The following CDH13 variants were observed in gnomAD, a reference collection of about 807,000 sequenced individuals.
CDH13 encodes cadherin-13.
Under a neutral mutation model 63.8 loss-of-function variants are expected in CDH13, and 24 were observed. That is an observed-to-expected ratio of 0.38 (90% CI 0.27 to 0.53). The LOEUF (loss-of-function observed/expected upper bound fraction) is 0.53. Among genes scored for constraint, CDH13 ranks in the 20% least tolerant of loss-of-function variants. The pLI is 0.85. For missense variants in CDH13, 1,049 were observed against 903.1 expected, an observed-to-expected ratio of 1.16 and a Z score of -2.07; for synonymous variants, 503 against 355.3, an observed-to-expected ratio of 1.42 and a Z score of -4.67.
At chr16:83,685,785 T>A (rs1904303335) in intron 10 of CDH13, among the ~76,000 whole-genome samples, 1 of 152,206 alleles carries the variant, frequency 6.6e-6, no homozygotes, top group Non-Finnish European at 1.5e-5. Flanking sequence ...CGGCTGACTT[T>A]CAGCAGATGG....
intron 1 of CDH13, among the ~76,000 whole-genome samples, chr16:82,733,254 C>T (rs982433164): frequency 3.9e-5 from 6 of 152,094 alleles, no homozygotes; most frequent in Admixed American, 1.3e-4. Flanking sequence ...ATTGCATTGT[C>T]GATTGTGTGG....
chr16:83,545,059 T>C (rs968822768), intron 7 of CDH13, among the ~76,000 whole-genome samples: 1 of 152,234 alleles, frequency 6.6e-6, no homozygotes, highest in African/African-American at 2.4e-5. Flanking sequence ...ATTCTGTTCA[T>C]CTCCTTCAGG....
intron 2 of CDH13, among the ~76,000 whole-genome samples, chr16:82,865,963 C>T (rs2040121549): frequency 6.6e-6 from 1 of 152,158 alleles, no homozygotes; most frequent in African/African-American, 2.4e-5. Flanking sequence ...GAACACTTTG[C>T]TGCTTAGAAA....
intron 5 of CDH13, among the ~76,000 whole-genome samples, chr16:83,332,821 C>T (rs904583489): frequency 6.6e-6 from 1 of 152,110 alleles, no homozygotes; most frequent in Admixed American, 6.5e-5. Context: ...AAAGTTACTT[C>T]AAAAGTTAAA....
chr16:83,777,976 G>C (rs1046403628), intron 11 of CDH13, among the ~76,000 whole-genome samples: 7 of 152,194 alleles, frequency 4.6e-5, no homozygotes, highest in Non-Finnish European at 8.8e-5. Context: ...AAGAGGCCAA[G>C]AAACGATTGT....
intron 3 of CDH13, among the ~76,000 whole-genome samples, chr16:83,102,105 G>T (rs767686586): frequency 6.6e-6 from 1 of 152,182 alleles, no homozygotes; most frequent in Non-Finnish European, 1.5e-5. Context: ...TGGCTTTGAA[G>T]ATGAAGGAAG....
chr16:82,759,174 C>T (rs578002639), intron 1 of CDH13, among the ~76,000 whole-genome samples: 1 of 152,302 alleles, frequency 6.6e-6, no homozygotes, highest in African/African-American at 2.4e-5. Flanking sequence ...TCAGGTTCCA[C>T]ACAGCTCCTT....
chr16:82,957,528 G>A (rs779334887), intron 2 of CDH13, among the ~76,000 whole-genome samples: 7 of 152,054 alleles, frequency 4.6e-5, no homozygotes, highest in African/African-American at 1.7e-4. Flanking sequence ...GAGAAGTCAG[G>A]TGCCTCCCAA....
intron 5 of CDH13, among the ~76,000 whole-genome samples, chr16:83,269,263 C>G (rs945142695): frequency 1.4e-4 from 21 of 152,248 alleles, no homozygotes; most frequent in Admixed American, 8.5e-4. Flanking sequence ...AGGCCCCTCC[C>G]CAGAACTCCT....
intron 1 of CDH13, among the ~76,000 whole-genome samples, chr16:82,706,403 G>T (rs1461737885): frequency 6.6e-6 from 1 of 152,194 alleles, no homozygotes; most frequent in Non-Finnish European, 1.5e-5. Context: ...AAGGATAAGG[G>T]ATGAGACAGA....
At chr16:82,717,199 C>T (rs1184678056) in intron 1 of CDH13, among the ~76,000 whole-genome samples, 2 of 152,014 alleles carry the variant, frequency 1.3e-5, no homozygotes, top group Admixed American at 6.6e-5. Flanking sequence ...GGCTCCTGAA[C>T]CTGGGCCCAG....
intron 1 of CDH13, among the ~76,000 whole-genome samples, chr16:82,754,552 T>G (rs1191676611): frequency 6.6e-6 from 1 of 152,168 alleles, no homozygotes; most frequent in Non-Finnish European, 1.5e-5. Context: ...ATTTTGCTTT[T>G]CCTATTGCTA....
At chr16:83,646,387 G>C (rs1042729587) in intron 8 of CDH13, among the ~76,000 whole-genome samples, 2 of 152,104 alleles carry the variant, frequency 1.3e-5, no homozygotes, top group Non-Finnish European at 2.9e-5. Context: ...CCGTTCTGCA[G>C]GGCTCAACTT....
Position 83,484,686 on chromosome 16 carries a change from C to G in CDH13, c.782-1791C>G, listed in dbSNP as rs75283463. ...CTCTCTTCTTCTCCAGATTTAACCA[C>G]CATTACCAGGGAGAAGTTCTCCTTA... On this transcript the variant is annotated intron_variant, in intron 6 of 13. Coordinates refer to ENST00000567109, the MANE Select transcript of CDH13 (RefSeq NM_001257.5). Among the ~76,000 whole-genome samples, 480 of 152,332 alleles carry G rather than the reference C, an allele frequency of 3.2e-3. 1 individual carries two copies. Among genetic ancestry groups the G allele is most frequent in the African/African-American group, 0.011 (465 of 41,564 alleles).
At chr16:83,617,704 A>G (rs1909412595) in intron 8 of CDH13, among the ~76,000 whole-genome samples, 1 of 151,592 alleles carries the variant, frequency 6.6e-6, no homozygotes, top group Non-Finnish European at 1.5e-5. Context: ...TCTTAATATC[A>G]CATATTCTAT....
At chr16:82,710,550 AAAATATAT>A (rs1213555267) in intron 1 of CDH13, among the ~76,000 whole-genome samples, 14 of 86,158 alleles carry the variant, frequency 1.6e-4, no homozygotes, top group South Asian at 6.3e-4. Context: ...AAAAAAAAAA[AAAATATAT>A]ATATATATAT....
chr16:83,043,523 G>T (rs980394017), intron 3 of CDH13, among the ~76,000 whole-genome samples: 22 of 144,626 alleles, frequency 1.5e-4, no homozygotes, highest in African/African-American at 5.7e-4. Flanking sequence ...GTGTGTGTGT[G>T]TGTGTATGTA....
chr16:82,771,570 C>T (rs913869990), intron 1 of CDH13, among the ~76,000 whole-genome samples: 10 of 152,282 alleles, frequency 6.6e-5, no homozygotes, highest in Admixed American at 2.0e-4. Flanking sequence ...CATGGAGAAA[C>T]GGAGGCTCGG....
intron 1 of CDH13, among the ~76,000 whole-genome samples, chr16:82,713,044 G>T (rs1477911051): frequency 3.8e-5 from 3 of 78,804 alleles, no homozygotes; most frequent in Non-Finnish European, 6.6e-5. Context: ...GAACCCCGGC[G>T]TGTGTGTGTG....
Sources: allele counts gnomAD v4.1 joint callset (sites outside exome capture counted in the v4.1 genomes callset), GRCh38; gene constraint gnomAD v4.1.1; transcripts MANE v1.5; gene names NCBI Gene and HGNC (gene_info 2026-07-23, HGNC 2026-07-21).